Variants in FBXW4 observed in about 807,000 individuals in gnomAD.
The protein encoded by FBXW4 is F-box and WD repeat domain containing 4, also known as F-box/WD repeat-containing protein 4.
FBXW4 carries 40 observed loss-of-function variants against 61.8 expected under a neutral mutation model. The observed-to-expected ratio is 0.65, with a 90% confidence interval of 0.50 to 0.84. The LOEUF (loss-of-function observed/expected upper bound fraction) is 0.84, where lower values mean the gene tolerates loss of function less well. Among genes scored for constraint, FBXW4 ranks in the 40% least tolerant of loss-of-function variants. The pLI is 0.00. For synonymous variants in FBXW4, 311 were observed against 313.8 expected, an observed-to-expected ratio of 0.99 and a Z score of 0.10; for missense variants, 672 against 753.8, an observed-to-expected ratio of 0.89 and a Z score of 1.27.
chr10:101,665,888 A>G (rs1200580725), intron 5 of FBXW4, among the ~76,000 whole-genome samples: 1 of 152,126 alleles, frequency 6.6e-6, no homozygotes, highest in African/African-American at 2.4e-5. Flanking sequence ...GCTTCAATCC[A>G]TATGAAGGAA....
chr10:101,646,320 C>T lies in FBXW4; in HGVS notation c.1236-21510G>A, dbSNP rs547588144. On this transcript the variant is annotated intron_variant, in intron 5 of 8. Coordinates refer to ENST00000331272, the MANE Select transcript of FBXW4 (RefSeq NM_022039.4). ...GAGCCAACCAGGGGCCTTAAAGGGG[C>T]AGACTGGAATTTGAGCCCCCTCAAA... Among the ~76,000 whole-genome samples, 8 of 152,330 alleles carry T rather than the reference C, an allele frequency of 5.3e-5. No homozygotes were observed. The South Asian group carries it at 1.7e-3, about 32-fold the overall frequency.
chr10:101,688,257 A>G (rs999852508), intron 1 of FBXW4, among the ~76,000 whole-genome samples: 2 of 152,212 alleles, frequency 1.3e-5, no homozygotes, highest in African/African-American at 4.8e-5. Context: ...TGGCCTTTGC[A>G]TGTATTTTTT....
At chr10:101,663,565 G>A (rs1244943087) in intron 5 of FBXW4, among the ~76,000 whole-genome samples, 1 of 151,938 alleles carries the variant, frequency 6.6e-6, no homozygotes, top group Non-Finnish European at 1.5e-5. Context: ...GCCAAGGTGG[G>A]AGGATCACTT....
At position 101,694,527 on chromosome 10, in the gene FBXW4, G is replaced by GAGC; in HGVS notation, c.576_578dup (p.Leu193dup). The GAGC allele has an allele frequency of 6.6e-7, 1 of 1,505,324 alleles. No homozygotes were observed. 93.2% of individuals were successfully genotyped at this position (1,505,324 alleles called of 1,614,324 possible). A position where few individuals can be genotyped will look rare whatever the true frequency, so the allele number is the denominator to read the frequency against. ...CCCGCATGTCCAGGTAGGAGCAGAT[G>GAGC]AGCAGCAGCAGCTCCTCCGGCAGGC... On this transcript the variant is annotated inframe_insertion, in exon 1 of 9. Transcript: ENST00000331272. The surrounding 1 kb of genome is among the most constrained non-coding windows in gnomAD (Gnocchi z 6.0).
At chr10:101,620,715 C>T (rs533015723) in intron 6 of FBXW4, among the ~76,000 whole-genome samples, 3 of 152,252 alleles carry the variant, frequency 2.0e-5, no homozygotes, top group Admixed American at 6.5e-5. Flanking sequence ...TGAGCTCAAG[C>T]GATCCTACTG....
chr10:101,612,349 C>G lies in FBXW4; in HGVS notation c.1430G>C (p.Arg477Pro). 1 of 1,574,090 alleles carries G rather than the reference C, an allele frequency of 6.4e-7. No homozygotes were observed. Among genetic ancestry groups the G allele is most frequent in the Admixed American group, 1.8e-5 (1 of 56,988 alleles). Residue 477 changes from arginine (R) to proline (P), a missense_variant, in exon 7 of 9, where the codon CGC becomes CCC. By Grantham distance (103) the Arg-to-Pro change is moderately radical. Around this residue, in one of 5 missense-constraint regions of FBXW4, gnomAD observed 312 missense variants for 370.1 expected, o/e 0.84. Coordinates refer to ENST00000331272, the MANE Select transcript of FBXW4 (RefSeq NM_022039.4). ...YDTYVRYWDL[R>P]TSVRKCVMEW... The stretch of plus-strand genomic sequence containing the variant: ...CCAGCACACTCACCGGACGCTGGTG[C>G]GGAGGTCCCAGTAGCGAACATAGGT...
rs149590377 is a variant in FBXW4 at position 101,671,266 on chromosome 10, C to A, written c.1140+1649G>T. On this transcript the variant is annotated intron_variant, in intron 4 of 8. Coordinates refer to ENST00000331272, the MANE Select transcript of FBXW4 (RefSeq NM_022039.4). ...AGTTGGCAGAGAAGTCACAGGGGAG[C>A]TGCAAACCAGCTGACCAGCTTGCAG... is the stretch of plus-strand genomic sequence containing the variant. 4.6e-5 allele frequency among the ~76,000 whole-genome samples: 7 copies of A among 152,304 alleles called. No individual in the cohort carries two copies. In the East Asian group the frequency reaches 5.8e-4, roughly 13 times the overall value.
At chr10:101,634,727 T>C (rs570333449) in intron 5 of FBXW4, among the ~76,000 whole-genome samples, 1 of 148,804 alleles carries the variant, frequency 6.7e-6, no homozygotes, top group Admixed American at 6.7e-5. Context: ...CCAGCAGATA[T>C]CAATCTCAGA....
At chr10:101,628,984 C>T (rs1589746793) in intron 5 of FBXW4, among the ~76,000 whole-genome samples, 1 of 152,190 alleles carries the variant, frequency 6.6e-6, no homozygotes, top group South Asian at 2.1e-4. Context: ...TCATCAGGCT[C>T]CAGAAGTAGA....
At chr10:101,693,121 T>C (rs574930110) in intron 1 of FBXW4, among the ~76,000 whole-genome samples, 6 of 152,276 alleles carry the variant, frequency 3.9e-5, no homozygotes, top group East Asian at 1.9e-4. Flanking sequence ...TAACACAACT[T>C]TGGTACCTTA....
At chr10:101,680,926 G>A (rs2064467707) in intron 1 of FBXW4, among the ~76,000 whole-genome samples, 3 of 152,144 alleles carry the variant, frequency 2.0e-5, no homozygotes, top group South Asian at 4.1e-4. Context: ...TGTCTGTGGA[G>A]GAGAATAGTA....
intron 6 of FBXW4, among the ~76,000 whole-genome samples, chr10:101,624,518 A>G (rs1021555164): frequency 6.6e-6 from 1 of 152,230 alleles, no homozygotes. Context: ...TGTTGTTGTT[A>G]TCATAAATTC....
chr10:101,616,951 A>G (rs981094353), intron 6 of FBXW4, among the ~76,000 whole-genome samples: 2 of 152,250 alleles, frequency 1.3e-5, no homozygotes, highest in Non-Finnish European at 2.9e-5. Context: ...GAGCTCCTGG[A>G]AATCCCGTCT....
At chr10:101,693,337 C>CA in intron 1 of FBXW4, among the ~76,000 whole-genome samples, 1 of 152,180 alleles carries the variant, frequency 6.6e-6, no homozygotes, top group East Asian at 1.9e-4. Context: ...AGCTGTTACT[C>CA]AAAAATGCAT....
Position 101,611,638 on chromosome 10 carries a change from G to T in FBXW4, c.1574C>A (p.Ala525Asp), listed in dbSNP as rs150521753. 106 of 1,614,172 alleles carry T rather than the reference G, an allele frequency of 6.6e-5. No homozygotes were observed. In the African/African-American group the frequency reaches 1.3e-3, roughly 20 times the overall value. Residue 525 changes from alanine to aspartate, a missense_variant, in exon 8 of 9, where the codon GCC becomes GAC. Physicochemically the swap from Ala to Asp is moderately radical, Grantham distance 126. Transcript: ENST00000331272. The surrounding 1 kb of genome is among the most constrained non-coding windows in gnomAD (Gnocchi z 4.9). The stretch of plus-strand genomic sequence containing the variant: ...GGGCAGGACACTTACGTGCAGGCAG[G>T]CCCTTTGACGCCGGTCCCACAGCCG... ...VVRLWDRRQR[A>D]CLHAFPLTST...
At position 101,694,363 on chromosome 10, in the gene FBXW4, G is replaced by A. The variant is rs989947842; in HGVS notation, c.725+18C>T. On this transcript the variant is annotated intron_variant, in intron 1 of 8. Transcript: ENST00000331272. This position sits in a 1 kb window ranked among gnomAD's most constrained non-coding sequence, Gnocchi z 6.0. Reference sequence around the variant, plus strand: ...GGCCGGCTCGGGGCGGGGAGCGGGCGGGCGAGCGGACGCTTACAGGTCGGT... The same window carrying A: ...GGCCGGCTCGGGGCGGGGAGCGGGCAGGCGAGCGGACGCTTACAGGTCGGT... 7.4e-7 allele frequency: 1 copy of A among 1,358,006 alleles called. No homozygotes were observed. The highest frequency in any genetic ancestry group is 9.4e-7 in the Non-Finnish European group (1 of 1,063,076). 84.1% of individuals were successfully genotyped at this position (1,358,006 alleles called of 1,614,324 possible).
intron 5 of FBXW4, among the ~76,000 whole-genome samples, chr10:101,644,867 T>G (rs2064082682): frequency 6.6e-6 from 1 of 152,180 alleles, no homozygotes; most frequent in African/African-American, 2.4e-5. Context: ...TACCCCCATT[T>G]GCCACCCAAA....
At chr10:101,649,139 C>A (rs774929118) in intron 5 of FBXW4, among the ~76,000 whole-genome samples, 4 of 152,214 alleles carry the variant, frequency 2.6e-5, no homozygotes, top group African/African-American at 4.8e-5. Context: ...AATAATGAAG[C>A]ATGCTGAACT....
chr10:101,685,810 T>C (rs2064527953), intron 1 of FBXW4, among the ~76,000 whole-genome samples: 1 of 152,182 alleles, frequency 6.6e-6, no homozygotes, highest in Non-Finnish European at 1.5e-5. Context: ...GCATAATAGG[T>C]ATTTTGATAG....
Sources: allele counts gnomAD v4.1 joint callset (sites outside exome capture counted in the v4.1 genomes callset), GRCh38; gene constraint gnomAD v4.1.1; regional missense constraint gnomAD v4.1.1; non-coding constraint Gnocchi (gnomAD v3.1); transcripts MANE v1.5; gene names NCBI Gene and HGNC (gene_info 2026-07-23, HGNC 2026-07-21).